TRIM15: variants seen among roughly 807,000 people sequenced by gnomAD.
TRIM15 encodes the protein tripartite motif containing 15.
In TRIM15, 35 loss-of-function variants were observed where a neutral mutation model predicts 35.8. That is an observed-to-expected ratio of 0.98 (90% CI 0.75 to 1.30). TRIM15 has a LOEUF of 1.30. Among genes scored for constraint, TRIM15 ranks in the 50% most tolerant of loss-of-function variants. The probability of loss-of-function intolerance (pLI) is 0.00; values close to 1 mark genes in which losing one functional copy is unlikely to be tolerated. For synonymous variants in TRIM15, 252 were observed against 249.8 expected (o/e 1.01, Z -0.08); for missense variants, 590 against 593.5 (o/e 0.99, Z 0.06).
chr6:30,164,134 C>A, intron 1 of TRIM15, 69 bp downstream of exon 1: 1 of 1,537,142 alleles, frequency 6.5e-7, no homozygotes, highest in Non-Finnish European at 8.8e-7. Flanking sequence ...GGGAGGAAAT[C>A]GGGCGGGGAT....
intron 4 of TRIM15, chr6:30,169,554 G>T: frequency 3.0e-6 from 2 of 671,848 alleles, no homozygotes. Context: ...TTTAATCTAT[G>T]AAATTATTAG....
intron 6 of TRIM15, 141 bp from the exon 7 acceptor site, chr6:30,171,691 G>A (rs1774024211): frequency 1.8e-6 from 2 of 1,123,366 alleles, no homozygotes; most frequent in East Asian, 5.7e-5. Context: ...TTGCTGATTA[G>A]GTAGAAGGGC....
chr6:30,164,143 A>T, intron 1 of TRIM15, 78 bp downstream of exon 1: 1 of 1,530,022 alleles, frequency 6.5e-7, no homozygotes, highest in Non-Finnish European at 8.8e-7. Context: ...TCGGGCGGGG[A>T]TCTGGATGAA....
chr6:30,171,906 A>C lies in TRIM15; in HGVS notation c.955A>C (p.Thr319Pro), dbSNP rs773001365. The change falls in exon 7 of 7, where the codon ACC becomes CCC. Residue 319 changes from threonine to proline, a missense_variant. By Grantham distance (38) the Thr-to-Pro change is conservative. Coordinates refer to ENST00000376694, the MANE Select transcript of TRIM15 (RefSeq NM_033229.3). Reference protein sequence around the residue: ...LSEDRKSVRYTRQKKSLPDSP... With the variant: ...LSEDRKSVRYPRQKKSLPDSP... ...GGAAGACAGGAAGTCAGTGAGGTAC[A>C]CCCGGCAGAAGAAGAGCCTGCCAGA... The C allele has an allele frequency of 1.2e-6, 2 of 1,600,398 alleles. No individual in the cohort carries two copies. Among genetic ancestry groups the C allele is most frequent in the Non-Finnish European group, 1.7e-6 (2 of 1,173,900 alleles).
At chr6:30,169,205 G>A (rs1773838458) in intron 3 of TRIM15, 36 bp from the exon 4 acceptor site, 1 of 1,612,966 alleles carries the variant, frequency 6.2e-7, no homozygotes, top group African/African-American at 1.3e-5. Context: ...AAGGACTTAT[G>A]GAAACTAAAT....
chr6:30,171,377 G>A (rs1209143130), intron 6 of TRIM15, among the ~76,000 whole-genome samples: 2 of 152,136 alleles, frequency 1.3e-5, no homozygotes, highest in African/African-American at 4.8e-5. Context: ...AGAGCATTGT[G>A]CTGGGCTCTC....
rs1390181972 is a variant in TRIM15 at position 30,172,635 on chromosome 6, G to A, written c.*286G>A. Reference sequence around the variant, plus strand: ...CAACAGCCAACCTAGGAGCCAGCGGGCTTTCGGGGAAAAAAAAGAAAAAGA... The same window carrying A: ...CAACAGCCAACCTAGGAGCCAGCGGACTTTCGGGGAAAAAAAAGAAAAAGA... On this transcript the variant is annotated 3_prime_UTR_variant, in exon 7 of 7. Coordinates refer to ENST00000376694, the MANE Select transcript of TRIM15 (RefSeq NM_033229.3). 4.6e-6 allele frequency: 3 copies of A among 651,420 alleles called. No individual in the cohort carries two copies. Among genetic ancestry groups the A allele is most frequent in the Non-Finnish European group, 5.6e-6 (2 of 358,054 alleles). 40.4% of individuals were successfully genotyped at this position (651,420 alleles called of 1,614,324 possible).
Position 30,168,483 on chromosome 6 carries a change from A to ACCCGGCT in TRIM15, c.661_662insCCCGGCT (p.Lys221ThrfsTer15), listed in dbSNP as rs1375249820. 1 of 1,609,620 alleles carries ACCCGGCT rather than the reference A, an allele frequency of 6.2e-7. No individual in the cohort carries two copies. The highest frequency in any genetic ancestry group is 1.1e-5 in the South Asian group (1 of 90,458). ...AGTCACCCGGCTTGGAGCCCAGGTC[A>ACCCGGCT]AGGAGCTGGAGGAGAAGTGTCAGCA... On this transcript the variant is annotated frameshift_variant, in exon 3 of 7. Coordinates refer to ENST00000376694, the MANE Select transcript of TRIM15 (RefSeq NM_033229.3). LOFTEE classifies it high-confidence loss of function.
intron 4 of TRIM15, among the ~76,000 whole-genome samples, chr6:30,170,084 A>C (rs920892660): frequency 1.3e-5 from 2 of 152,110 alleles, no homozygotes; most frequent in Non-Finnish European, 2.9e-5. Flanking sequence ...TTTTCATTGC[A>C]ATATATATTT....
At chr6:30,171,489 T>C (rs995914581) in intron 6 of TRIM15, among the ~76,000 whole-genome samples, 2 of 152,208 alleles carry the variant, frequency 1.3e-5, no homozygotes, top group African/African-American at 4.8e-5. Flanking sequence ...CCTCACTCAC[T>C]CTGGTATAGG....
rs1216995081 is a variant in TRIM15, at chr6:30,168,337, C to T, written c.515C>T (p.Ala172Val). 1.1e-5 allele frequency: 17 copies of T among 1,612,940 alleles called. No homozygotes were observed. The highest frequency in any genetic ancestry group is 1.4e-5 in the Non-Finnish European group (16 of 1,180,040). Residue 172 changes from alanine to valine, a missense_variant, in exon 3 of 7, where the codon GCT becomes GTT. Coordinates refer to ENST00000376694, the MANE Select transcript of TRIM15 (RefSeq NM_033229.3). ...AGCAAGAAGCATCAGGTGGAAACAG[C>T]TTTTGAGAGGCTGCAGCAGGAGCTG... ...IESKKHQVET[A>V]FERLQQELEQ... is the part of the protein sequence containing the mutation.
Position 30,163,877 on chromosome 6 carries a change from C to A in TRIM15, c.193C>A (p.Gln65Lys). The change falls in exon 1 of 7, where the codon CAG becomes AAG. Residue 65 changes from glutamine to lysine, a missense_variant. Gln to Lys is a moderately conservative substitution (Grantham distance 53, BLOSUM62 1). Transcript: ENST00000376694. ...LLCPLCQEEE[Q>K]AETPMAPVPL... ...CTGCCCGCTCTGCCAAGAGGAGGAG[C>A]AGGCAGAGACTCCCATGGCCCCTGT... 6.2e-7 allele frequency: 1 copy of A among 1,613,052 alleles called. No homozygotes were observed. The highest frequency in any genetic ancestry group is 1.7e-4 in the Middle Eastern group (1 of 6,016).
Position 30,166,375 on chromosome 6 carries a change from G to T in TRIM15, c.382-801G>T, listed in dbSNP as rs192773885. The stretch of plus-strand genomic sequence containing the variant: ...TTAAATAGGGAATCCTTTCCCCATT[G>T]CTTGTTTTTGTCAGGTTTGTCAAAG... On this transcript the variant is annotated intron_variant, in intron 1 of 6. Coordinates refer to ENST00000376694, the MANE Select transcript of TRIM15 (RefSeq NM_033229.3). Among the ~76,000 whole-genome samples, 363 of 152,286 alleles carry T rather than the reference G, an allele frequency of 2.4e-3. 1 individual carries two copies. Among genetic ancestry groups the T allele is most frequent in the Admixed American group, 3.8e-3 (58 of 15,294 alleles).
chr6:30,172,279 CTT>C lies in TRIM15; in HGVS notation c.1330_1331del (p.Phe444LeufsTer114), dbSNP rs759672374. On this transcript the variant is annotated frameshift_variant, in exon 7 of 7. Transcript: ENST00000376694. LOFTEE classifies it low-confidence loss of function (END_TRUNC). ...GAGCCCATCTTCACCTTCACTGCCTCTTTCTCCGGCAAAGTCTTCCCTTTCTT... is the reference window on the plus strand; with the variant it reads ...GAGCCCATCTTCACCTTCACTGCCTCTCTCCGGCAAAGTCTTCCCTTTCTT... The C allele has an allele frequency of 2.7e-5, 43 of 1,612,850 alleles. No individual in the cohort carries two copies. The African/African-American group carries it at 2.8e-4, about 11-fold the overall frequency.
intron 1 of TRIM15, among the ~76,000 whole-genome samples, chr6:30,166,091 G>A (rs1164533864): frequency 1.3e-5 from 2 of 152,188 alleles, no homozygotes; most frequent in African/African-American, 4.8e-5. Flanking sequence ...TTGCTGTGCA[G>A]AAGCTCTTTC....
Position 30,170,581 on chromosome 6 carries a change from TACTC to T in TRIM15, c.815_818del (p.Leu272ProfsTer5), listed in dbSNP as rs1308577047. Reference sequence around the variant, plus strand: ...AAGATCCGTGATTTCCACAGGAAAATACTCACCCTCCCAGAGATGATGAGGATGT... The same window carrying T: ...AAGATCCGTGATTTCCACAGGAAAATACCCTCCCAGAGATGATGAGGATGT... On this transcript the variant is annotated frameshift_variant, in exon 5 of 7. Coordinates refer to ENST00000376694, the MANE Select transcript of TRIM15 (RefSeq NM_033229.3). LOFTEE classifies it high-confidence loss of function. 1 of 1,613,924 alleles carries T rather than the reference TACTC, an allele frequency of 6.2e-7. No individual in the cohort carries two copies. The highest frequency in any genetic ancestry group is 8.5e-7 in the Non-Finnish European group (1 of 1,180,012).
Position 30,172,202 on chromosome 6 carries a change from C to T in TRIM15, c.1251C>T (p.Val417=). 2 of 1,610,634 alleles carry T rather than the reference C, an allele frequency of 1.2e-6. No individual in the cohort carries two copies. The highest frequency in any genetic ancestry group is 1.7e-6 in the Non-Finnish European group (2 of 1,179,042). The change falls in exon 7 of 7, where the codon GTC becomes GTT. Residue 417 remains valine (V), a synonymous_variant. Transcript: ENST00000376694. ...PLSEIPRGVR[V]ALDYEAGQVT... is the part of the protein sequence containing the mutation. ...GCGAGATCCCGCGCGGCGTGAGAGT[C>T]GCCCTGGACTACGAGGCGGGGCAGG...
chr6:30,170,655 A>C (rs368208284), intron 5 of TRIM15, 39 bp downstream of exon 5: 2 of 1,502,766 alleles, frequency 1.3e-6, no homozygotes, highest in Non-Finnish European at 1.8e-6. Context: ...CAGTCCCATT[A>C]GCTGCCCTCC....
rs762341340 is a variant in TRIM15, at chr6:30,172,065, G to T, written c.1114G>T (p.Val372Leu). 7 of 1,571,924 alleles carry T rather than the reference G, an allele frequency of 4.5e-6. No homozygotes were observed. In the South Asian group the frequency reaches 4.6e-5, roughly 10 times the overall value. The change falls in exon 7 of 7, where the codon GTG becomes TTG. Residue 372 changes from valine to leucine, a missense_variant. Coordinates refer to ENST00000376694, the MANE Select transcript of TRIM15 (RefSeq NM_033229.3). ...GCTVGVAGEGVRRKGEMGLSA... is the reference protein window; with the variant it reads ...GCTVGVAGEGLRRKGEMGLSA... ...CACGGTGGGGGTGGCCGGGGAGGGG[G>T]TGAGGAGGAAGGGAGAGATGGGACT...
Sources: allele counts gnomAD v4.1 joint callset (sites outside exome capture counted in the v4.1 genomes callset), GRCh38; gene constraint gnomAD v4.1.1; transcripts MANE v1.5; gene names NCBI Gene and HGNC (gene_info 2026-07-23, HGNC 2026-07-21).